Variants in TMEM108 observed in about 807,000 individuals in gnomAD.
The protein encoded by TMEM108 is transmembrane protein 108.
TMEM108 carries 12 observed loss-of-function variants against 35.1 expected under a neutral mutation model. The observed-to-expected ratio is 0.34, with a 90% CI of 0.22 to 0.55. The LOEUF (loss-of-function observed/expected upper bound fraction) is 0.55. Ranked by LOEUF, TMEM108 falls within the 20% of genes least tolerant of loss-of-function variation. TMEM108 has a pLI of 0.89. For synonymous variants in TMEM108, 287 were observed against 308.6 expected (o/e 0.93, Z 0.73); for missense variants, 680 against 753.3 (o/e 0.90, Z 1.14).
intron 3 of TMEM108, among the ~76,000 whole-genome samples, chr3:133,249,075 A>G (rs995742948): frequency 6.6e-6 from 1 of 152,106 alleles, no homozygotes; most frequent in Non-Finnish European, 1.5e-5. Flanking sequence ...GGGAGGGTAG[A>G]GGTAGGAAAG....
intron 3 of TMEM108, among the ~76,000 whole-genome samples, chr3:133,363,416 A>AT (rs60751474): frequency 0.04 from 5,792 of 146,130 alleles, 371 homozygotes; most frequent in African/African-American, 0.13. Flanking sequence ...GCTTTTCATT[A>AT]TTTTTTTTTT....
chr3:133,142,220 CA>C (rs1944651256), intron 2 of TMEM108, among the ~76,000 whole-genome samples: 1 of 152,114 alleles, frequency 6.6e-6, no homozygotes, highest in East Asian at 1.9e-4. Context: ...GTTAGGTGAA[CA>C]CACCTAATAT....
Position 133,310,530 on chromosome 3 carries a change from C to CTTTTTTTTTTTTTTTTT in TMEM108, c.41-69209_41-69193dup, listed in dbSNP as rs59215786. On this transcript the variant is annotated intron_variant, in intron 3 of 5. Transcript: ENST00000321871. ...TCAGAGACTAGGATTGCAACCCCTG[C>CTTTTTTTTTTTTTTTTT]TTTTTTTTTTTTTTTTTTTTTTTTT... is the stretch of plus-strand genomic sequence containing the variant. Among the ~76,000 whole-genome samples the CTTTTTTTTTTTTTTTTT allele has an allele frequency of 3.1e-4, 7 of 22,250 alleles. 1 individual carries two copies. The highest frequency in any genetic ancestry group is 4.9e-4 in the Non-Finnish European group (6 of 12,236). The allele number at this position is 22,250 out of a possible 152,430, so 14.6% of individuals were successfully genotyped here.
At chr3:133,078,179 G>C (rs1025374635) in intron 2 of TMEM108, among the ~76,000 whole-genome samples, 1 of 96,882 alleles carries the variant, frequency 1.0e-5, no homozygotes, top group African/African-American at 5.1e-5. Context: ...GCGCGCACAC[G>C]TGTGTGTGTA....
At chr3:133,181,031 A>AAAAAAAAC (rs76591084) in intron 2 of TMEM108, among the ~76,000 whole-genome samples, 1 of 136,338 alleles carries the variant, frequency 7.3e-6, no homozygotes, top group Non-Finnish European at 1.6e-5. Flanking sequence ...AAAAAAAAAA[A>AAAAAAAAC]AAAAAAACAG....
rs1479675953 is a variant in TMEM108, at chr3:133,389,392, T to C, written c.1451-788T>C. ...AGGCAGGAATCAGCTGGTAAGAGCA[T>C]AGACTGGCCAGGTGCAGTGGCTCAC... On this transcript the variant is annotated intron_variant, in intron 4 of 5. Transcript: ENST00000321871. The C allele has an allele frequency of 7.1e-6, 7 of 985,318 alleles. No individual in the cohort carries two copies. In the Admixed American group the frequency reaches 1.8e-4, roughly 26 times the overall value. 61.0% of individuals were successfully genotyped at this position (985,318 alleles called of 1,614,324 possible). A position where few individuals can be genotyped will look rare whatever the true frequency, so the allele number is the denominator to read the frequency against.
chr3:133,098,653 T>C (rs1354962082), intron 2 of TMEM108, among the ~76,000 whole-genome samples: 2 of 152,198 alleles, frequency 1.3e-5, no homozygotes. Flanking sequence ...TGGGTAAATA[T>C]AGCCATTCCA....
chr3:133,185,487 A>T (rs1201775820), intron 2 of TMEM108, among the ~76,000 whole-genome samples: 1 of 149,274 alleles, frequency 6.7e-6, no homozygotes, highest in Admixed American at 6.8e-5. Context: ...ATGCTCAGAC[A>T]TCATTTACCC....
At chr3:133,149,752 C>T (rs1378589748) in intron 2 of TMEM108, among the ~76,000 whole-genome samples, 1 of 151,994 alleles carries the variant, frequency 6.6e-6, no homozygotes, top group African/African-American at 2.4e-5. Context: ...ATATATATGT[C>T]TCAGGTACAT....
At chr3:133,171,296 A>C (rs762780044) in intron 2 of TMEM108, among the ~76,000 whole-genome samples, 3 of 152,236 alleles carry the variant, frequency 2.0e-5, no homozygotes, top group Non-Finnish European at 4.4e-5. Context: ...CAATAATATA[A>C]ACAAGTTTTA....
chr3:133,247,305 G>T lies in TMEM108; in HGVS notation c.40+17954G>T, dbSNP rs565507556. 4 of 152,192 alleles carry T rather than the reference G, an allele frequency of 2.6e-5. No individual in the cohort carries two copies. The East Asian group carries it at 7.7e-4, about 29-fold the overall frequency. The allele number at this position is 152,192 out of a possible 1,614,324, so 9.4% of individuals were successfully genotyped here. A position where few individuals can be genotyped will look rare whatever the true frequency, so the allele number is the denominator to read the frequency against. On this transcript the variant is annotated intron_variant, in intron 3 of 5. Coordinates refer to ENST00000321871, the MANE Select transcript of TMEM108 (RefSeq NM_023943.4). ...AGTGTCAGCCTGCCTTTTGCTTGTT[G>T]TTCACTTGTGCTTCCATTATTAGCA...
intron 2 of TMEM108, among the ~76,000 whole-genome samples, chr3:133,111,755 T>A (rs532939603): frequency 1.8e-4 from 28 of 152,312 alleles, no homozygotes; most frequent in African/African-American, 6.7e-4. Context: ...ACAAGGTGGC[T>A]TGTTCTTCAT....
chr3:133,081,882 A>G (rs958648937), intron 2 of TMEM108, among the ~76,000 whole-genome samples: 3 of 152,236 alleles, frequency 2.0e-5, no homozygotes, highest in African/African-American at 4.8e-5. Flanking sequence ...CTGAGCAACA[A>G]GGAACTTTTG....
intron 2 of TMEM108, among the ~76,000 whole-genome samples, chr3:133,168,676 G>C (rs1945080746): frequency 6.6e-6 from 1 of 152,166 alleles, no homozygotes; most frequent in Admixed American, 6.5e-5. Flanking sequence ...CCAAATAAGG[G>C]AATAAAAGCT....
intron 2 of TMEM108, among the ~76,000 whole-genome samples, chr3:133,063,706 G>A (rs996054564): frequency 6.6e-6 from 1 of 152,100 alleles, no homozygotes; most frequent in South Asian, 2.1e-4. Flanking sequence ...ATATTCCCAA[G>A]GCTATTGATT....
At chr3:133,285,098 T>C (rs1946966082) in intron 3 of TMEM108, among the ~76,000 whole-genome samples, 1 of 152,224 alleles carries the variant, frequency 6.6e-6, no homozygotes. Context: ...AATTGTTTTG[T>C]AAAATATATT....
intron 2 of TMEM108, among the ~76,000 whole-genome samples, chr3:133,142,438 G>A (rs1314568458): frequency 6.6e-6 from 1 of 152,158 alleles, no homozygotes; most frequent in Non-Finnish European, 1.5e-5. Context: ...TCAGCTGGAG[G>A]AACAAGAGCA....
At chr3:133,184,424 T>C (rs1945391294) in intron 2 of TMEM108, among the ~76,000 whole-genome samples, 1 of 152,210 alleles carries the variant, frequency 6.6e-6, no homozygotes, top group Non-Finnish European at 1.5e-5. Context: ...ATGTATCAGC[T>C]ACATTTCTAC....
At chr3:133,207,085 G>A (rs984920834) in intron 2 of TMEM108, among the ~76,000 whole-genome samples, 5 of 152,182 alleles carry the variant, frequency 3.3e-5, no homozygotes, top group Non-Finnish European at 7.3e-5. Flanking sequence ...GAACTTCCCA[G>A]TGGCTTTGTT....
Sources: allele counts gnomAD v4.1 joint callset (sites outside exome capture counted in the v4.1 genomes callset), GRCh38; gene constraint gnomAD v4.1.1; transcripts MANE v1.5; gene names NCBI Gene and HGNC (gene_info 2026-07-23, HGNC 2026-07-21).